Variants in TGM5 observed in about 807,000 individuals in gnomAD.
TGM5 encodes protein-glutamine gamma-glutamyltransferase 5.
Under a neutral mutation model 77.2 loss-of-function variants are expected in TGM5, and 69 were observed. The ratio of observed to expected loss-of-function variants is 0.89; its 90% CI spans 0.74 to 1.09. The LOEUF is 1.09. Among genes scored for constraint, TGM5 ranks in the 50% least tolerant of loss-of-function variants. TGM5 has a pLI of 0.00. For synonymous variants in TGM5, 346 were observed against 351.8 expected (o/e 0.98, Z 0.18); for missense variants, 842 against 896.5 (o/e 0.94, Z 0.78).
intron 3 of TGM5, among the ~76,000 whole-genome samples, chr15:43,258,677 C>CACAG (rs2042761273): frequency 6.6e-6 from 1 of 152,200 alleles, no homozygotes. Flanking sequence ...CAGCAGTGGC[C>CACAG]TGAGCTACAC....
At chr15:43,258,089 G>A (rs986449109) in intron 3 of TGM5, among the ~76,000 whole-genome samples, 3 of 152,182 alleles carry the variant, frequency 2.0e-5, no homozygotes, top group Middle Eastern at 3.4e-3. Context: ...GGGGTGGGGG[G>A]AAGAGGGGAG....
intron 7 of TGM5, 133 bp from the exon 8 acceptor site, chr15:43,239,399 T>C: frequency 1.1e-6 from 1 of 876,884 alleles, no homozygotes; most frequent in East Asian, 2.6e-5. Flanking sequence ...CCTCTGTGGA[T>C]AGCCAGGCAC....
intron 6 of TGM5, among the ~76,000 whole-genome samples, chr15:43,252,410 C>T (rs962531152): frequency 6.6e-6 from 1 of 152,108 alleles, no homozygotes; most frequent in African/African-American, 2.4e-5. Flanking sequence ...TCTGCCCCCC[C>T]GGGTTCAAGC....
intron 7 of TGM5, 127 bp from the exon 8 acceptor site, chr15:43,239,393 T>C (rs1473587139): frequency 2.1e-6 from 2 of 936,922 alleles, no homozygotes; most frequent in Non-Finnish European, 1.7e-6. Flanking sequence ...TTAAAACCTC[T>C]GTGGATAGCC....
chr15:43,256,621 T>C lies in TGM5; in HGVS notation c.502A>G (p.Ile168Val), dbSNP rs1012150070. Residue 168 changes from isoleucine (I) to valine (V), a missense_variant, in exon 4 of 13, where the codon ATC (isoleucine) becomes GTC (valine). This residue lies in a region of TGM5 where 815 missense variants were observed against 844.6 expected (regional missense o/e 0.96). Coordinates refer to ENST00000220420, the MANE Select transcript of TGM5 (RefSeq NM_201631.4). ...ATCCAGTTCTTGCTGCCTTGGTAGATGAAGCCATAATCATTCATGACATAC... is the reference window on the plus strand; with the variant it reads ...ATCCAGTTCTTGCTGCCTTGGTAGACGAAGCCATAATCATTCATGACATAC... The part of the protein sequence containing the change: ...QEYVMNDYGF[I>V]YQGSKNWIRP... 6.2e-7 allele frequency: 1 copy of C among 1,614,156 alleles called. No homozygotes were observed.
intron 6 of TGM5, among the ~76,000 whole-genome samples, chr15:43,241,542 A>G (rs1165778007): frequency 6.6e-6 from 1 of 152,200 alleles, no homozygotes. Flanking sequence ...AGAGCTTAGA[A>G]AAGTGAGAGT....
chr15:43,252,004 T>C (rs2042706598), intron 6 of TGM5, among the ~76,000 whole-genome samples: 1 of 152,266 alleles, frequency 6.6e-6, no homozygotes, highest in East Asian at 1.9e-4. Flanking sequence ...CATCTTGCTC[T>C]GGCCCCATGG....
chr15:43,265,256 C>T (rs903647572), intron 1 of TGM5, among the ~76,000 whole-genome samples: 5 of 152,178 alleles, frequency 3.3e-5, no homozygotes, highest in Non-Finnish European at 7.4e-5. Context: ...TTCCCATCAC[C>T]CCCAAGAGCT....
At chr15:43,252,660 G>T in intron 6 of TGM5, 99 bp downstream of exon 6, 1 of 1,447,920 alleles carries the variant, frequency 6.9e-7, no homozygotes, top group Non-Finnish European at 9.6e-7. Flanking sequence ...AATGTCCCTT[G>T]GTGGGAACTG....
At chr15:43,242,564 T>A (rs182202223) in intron 6 of TGM5, among the ~76,000 whole-genome samples, 44 of 152,384 alleles carry the variant, frequency 2.9e-4, no homozygotes, top group African/African-American at 1.0e-3. Context: ...TTATAATTTT[T>A]AGTTTAAACA....
At chr15:43,238,270 T>C (rs1350555692) in intron 9 of TGM5, among the ~76,000 whole-genome samples, 2 of 152,104 alleles carry the variant, frequency 1.3e-5, no homozygotes, top group Non-Finnish European at 2.9e-5. Context: ...TAATTGAACC[T>C]AGTGGCTGGC....
intron 5 of TGM5, 54 bp from the exon 6 acceptor site, chr15:43,252,990 CAT>C: frequency 6.3e-7 from 1 of 1,589,640 alleles, no homozygotes; most frequent in Non-Finnish European, 8.6e-7. Context: ...CTCAACATGC[CAT>C]GTGTGGGCTG....
At chr15:43,246,516 A>G (rs777473189) in intron 6 of TGM5, among the ~76,000 whole-genome samples, 2 of 152,222 alleles carry the variant, frequency 1.3e-5, no homozygotes, top group African/African-American at 2.4e-5. Flanking sequence ...TAGTATGATC[A>G]TGAGAACAAT....
chr15:43,261,090 T>TTTTTTTTTTTTTTTTTTTTTG (rs2042786497), intron 1 of TGM5, among the ~76,000 whole-genome samples: 4 of 97,110 alleles, frequency 4.1e-5, no homozygotes, highest in Admixed American at 2.1e-4. Flanking sequence ...TTTTTTTTTT[T>TTTTTTTTTTTTTTTTTTTTTG]TTTTTTTTTT....
rs1008033662 is a variant in TGM5, at chr15:43,258,532, C to T, written c.436+1520G>A. ...AAGGTGCCCTCCTCAGAGGCAGCCT[C>T]AGACACAGCCTGATAGGAGGCTGGT... On this transcript the variant is annotated intron_variant, in intron 3 of 12. Coordinates refer to ENST00000220420, the MANE Select transcript of TGM5 (RefSeq NM_201631.4). Among the ~76,000 whole-genome samples the T allele has an allele frequency of 2.6e-5, 4 of 152,332 alleles. No homozygotes were observed. The South Asian group carries it at 8.3e-4, about 32-fold the overall frequency.
intron 1 of TGM5, among the ~76,000 whole-genome samples, chr15:43,265,259 C>A (rs1480104373): frequency 6.6e-6 from 1 of 152,206 alleles, no homozygotes; most frequent in Non-Finnish European, 1.5e-5. Flanking sequence ...CCATCACCCC[C>A]AAGAGCTGTT....
intron 6 of TGM5, chr15:43,247,814 C>G (rs1336457672): frequency 6.6e-6 from 1 of 152,172 alleles, no homozygotes; most frequent in Non-Finnish European, 1.5e-5. Flanking sequence ...TATACATATG[C>G]ATGCAAAAGA....
intron 6 of TGM5, among the ~76,000 whole-genome samples, chr15:43,244,326 C>T (rs898883909): frequency 6.6e-5 from 10 of 152,194 alleles, no homozygotes; most frequent in African/African-American, 2.4e-4. Context: ...GGTAGGTGCT[C>T]ATTATATTCC....
Position 43,234,160 on chromosome 15 carries a change from G to A in TGM5, c.1876-473C>T, listed in dbSNP as rs529138224. Among the ~76,000 whole-genome samples, 7 of 152,276 alleles carry A rather than the reference G, an allele frequency of 4.6e-5. No individual in the cohort carries two copies. The East Asian group carries it at 1.3e-3, about 29-fold the overall frequency. On this transcript the variant is annotated intron_variant, in intron 11 of 12. Transcript: ENST00000220420. Reference sequence around the variant, plus strand: ...TTGCTAAGATGCCACAAAAGCCCAAGTTCTAGCCAAACCTTCATGTTTCCC... The same window carrying A: ...TTGCTAAGATGCCACAAAAGCCCAAATTCTAGCCAAACCTTCATGTTTCCC...
Sources: gnomAD v4.1 joint callset for allele counts (sites outside exome capture counted in the v4.1 genomes callset) on GRCh38, gnomAD v4.1.1 for gene constraint, gnomAD v4.1.1 regional missense constraint, MANE v1.5 for transcripts, NCBI Gene and HGNC (gene_info 2026-07-23, HGNC 2026-07-21) for gene names.